ROCK2: variants seen among roughly 807,000 people sequenced by gnomAD.
ROCK2 encodes the protein Rho associated coiled-coil containing protein kinase 2.
ROCK2 carries 61 observed loss-of-function variants against 195.1 expected under a neutral mutation model. That is an observed-to-expected ratio of 0.31 (90% CI 0.25 to 0.39). The LOEUF (loss-of-function observed/expected upper bound fraction) is 0.39. Among genes scored for constraint, ROCK2 ranks in the 10% least tolerant of loss-of-function variants. The probability of loss-of-function intolerance (pLI) is 1.00; values close to 1 mark genes in which losing one functional copy is unlikely to be tolerated. For missense variants in ROCK2, 1,109 were observed against 1,637.4 expected (o/e 0.68, Z 5.57); for synonymous variants, 504 against 545.5 (o/e 0.92, Z 1.06).
chr2:11,187,243 C>T (rs1352921032), intron 32 of ROCK2, among the ~76,000 whole-genome samples: 7 of 152,176 alleles, frequency 4.6e-5, no homozygotes, highest in Non-Finnish European at 1.0e-4. Context: ...AGTCTGAAAA[C>T]ATTAAATAGA....
rs1436899886 is a variant in ROCK2, at chr2:11,341,065, A to G, written c.141+2931T>C. On this transcript the variant is annotated intron_variant, in intron 1 of 32. Transcript: ENST00000315872. The stretch of plus-strand genomic sequence containing the variant: ...GTTTCAAACACTACAAAAGCATATT[A>G]CTGAAGACTCGCCTCCAAAAAAAAA... Among the ~76,000 whole-genome samples the G allele has an allele frequency of 2.5e-5, 3 of 122,402 alleles. No homozygotes were observed. The South Asian group carries it at 9.6e-4, about 39-fold the overall frequency. 80.3% of individuals were successfully genotyped at this position (122,402 alleles called of 152,430 possible).
intron 1 of ROCK2, among the ~76,000 whole-genome samples, chr2:11,320,316 CATA>C (rs1668362674): frequency 6.6e-6 from 1 of 152,182 alleles, no homozygotes; most frequent in South Asian, 2.1e-4. Context: ...GGGCCACTGC[CATA>C]ATGTTTATCT....
chr2:11,308,078 A>G, intron 1 of ROCK2: 1 of 1,608,774 alleles, frequency 6.2e-7, no homozygotes, highest in Non-Finnish European at 8.5e-7. Context: ...GTTTTAGGAG[A>G]GGCGCCGACT....
Position 11,246,728 on chromosome 2 carries a change from T to G in ROCK2, c.462+2933A>C, listed in dbSNP as rs191195439. ...ATTTCTAACAAAAGTATAGTAACTG[T>G]GGGGGTATTAATACAATTAAATATT... On this transcript the variant is annotated intron_variant, in intron 4 of 32. Coordinates refer to ENST00000315872, the MANE Select transcript of ROCK2 (RefSeq NM_004850.5). Among the ~76,000 whole-genome samples the G allele has an allele frequency of 2.0e-5, 3 of 152,192 alleles. No homozygotes were observed. In the East Asian group the frequency reaches 5.8e-4, roughly 29 times the overall value.
chr2:11,222,047 G>T, intron 8 of ROCK2, 36 bp downstream of exon 8: 2 of 1,237,864 alleles, frequency 1.6e-6, no homozygotes, highest in Non-Finnish European at 1.2e-6. Flanking sequence ...GTTTCAGAAT[G>T]TGATGGAATG....
At chr2:11,277,476 C>T (rs557548843) in intron 3 of ROCK2, among the ~76,000 whole-genome samples, 1 of 152,274 alleles carries the variant, frequency 6.6e-6, no homozygotes, top group African/African-American at 2.4e-5. Context: ...TTATCCCTTG[C>T]ACCCCTCCAA....
At chr2:11,277,782 T>A (rs151073780) in intron 3 of ROCK2, among the ~76,000 whole-genome samples, 81 of 152,332 alleles carry the variant, frequency 5.3e-4, no homozygotes, top group African/African-American at 1.8e-3. Context: ...ATGGTGCTGC[T>A]ATAAACGTGT....
chr2:11,337,011 G>C (rs1668950063), intron 1 of ROCK2, among the ~76,000 whole-genome samples: 3 of 152,200 alleles, frequency 2.0e-5, no homozygotes, highest in Admixed American at 6.5e-5. Context: ...GGGAGGCCAA[G>C]GCGGGTGGAT....
chr2:11,235,752 GT>G lies in ROCK2; in HGVS notation c.672del (p.Lys224AsnfsTer5). 6.2e-7 allele frequency: 1 copy of G among 1,613,470 alleles called. No homozygotes were observed. Among genetic ancestry groups the G allele is most frequent in the Non-Finnish European group, 8.5e-7 (1 of 1,179,758 alleles). ...DVKPDNMLLD[K>X]HGHLKLADFG... ...AAATCTGCTAATTTTAGATGTCCATGTTTATCCAAGAGCATGTTGTCAGGCT... is the reference window on the plus strand; with the variant it reads ...AAATCTGCTAATTTTAGATGTCCATGTTATCCAAGAGCATGTTGTCAGGCT... On this transcript the variant is annotated frameshift_variant, in exon 5 of 33. Transcript: ENST00000315872. LOFTEE classifies it high-confidence loss of function. This position sits in a 1 kb window ranked among gnomAD's most constrained non-coding sequence, Gnocchi z 4.2.
At chr2:11,324,176 C>T (rs1302958617) in intron 1 of ROCK2, among the ~76,000 whole-genome samples, 2 of 152,200 alleles carry the variant, frequency 1.3e-5, no homozygotes, top group African/African-American at 4.8e-5. Context: ...GTGGCTCACG[C>T]CTGTAATCCC....
chr2:11,313,045 T>C (rs938144009), intron 1 of ROCK2, among the ~76,000 whole-genome samples: 2 of 152,052 alleles, frequency 1.3e-5, no homozygotes, highest in Non-Finnish European at 2.9e-5. Context: ...ACTGTAACTG[T>C]GGATACTTGA....
intron 1 of ROCK2, among the ~76,000 whole-genome samples, chr2:11,326,866 A>G (rs1668565292): frequency 6.6e-6 from 1 of 152,232 alleles, no homozygotes; most frequent in Non-Finnish European, 1.5e-5. Context: ...AACAGGAAAT[A>G]TAAGGGGTCT....
intron 1 of ROCK2, among the ~76,000 whole-genome samples, chr2:11,332,034 T>C (rs970663939): frequency 3.9e-5 from 6 of 152,120 alleles, no homozygotes; most frequent in African/African-American, 1.4e-4. Flanking sequence ...TCCCAGCTAC[T>C]TGGGAGGCTG....
rs1195522954 is a variant in ROCK2, at chr2:11,295,609, G to A, written c.142-7873C>T. 3.9e-5 allele frequency among the ~76,000 whole-genome samples: 6 copies of A among 152,150 alleles called. No homozygotes were observed. In the East Asian group the frequency reaches 9.7e-4, roughly 25 times the overall value. On this transcript the variant is annotated intron_variant, in intron 1 of 32. Transcript: ENST00000315872. ...CAGCAGTACTTTAAATACACTGATGGCAGGATCTGTTTATATAGTGCTCCA... is the reference window on the plus strand; with the variant it reads ...CAGCAGTACTTTAAATACACTGATGACAGGATCTGTTTATATAGTGCTCCA...
At chr2:11,208,975 G>A (rs933482547) in intron 18 of ROCK2, among the ~76,000 whole-genome samples, 1 of 152,080 alleles carries the variant, frequency 6.6e-6, no homozygotes, top group Non-Finnish European at 1.5e-5. Flanking sequence ...ATCACACTCT[G>A]CAATATTACA....
chr2:11,255,020 A>T (rs1665973644), intron 3 of ROCK2, among the ~76,000 whole-genome samples: 1 of 151,970 alleles, frequency 6.6e-6, no homozygotes, highest in Non-Finnish European at 1.5e-5. Flanking sequence ...GATTGAGACC[A>T]TCCTGGCTAA....
chr2:11,318,644 C>G (rs577432074), intron 1 of ROCK2, among the ~76,000 whole-genome samples: 144 of 152,148 alleles, frequency 9.5e-4, no homozygotes, highest in African/African-American at 3.3e-3. Flanking sequence ...TGTTGCCATT[C>G]CTTTTGGTGT....
chr2:11,212,987 T>G (rs1664299593), intron 17 of ROCK2, among the ~76,000 whole-genome samples: 5 of 152,206 alleles, frequency 3.3e-5, no homozygotes, highest in Admixed American at 3.3e-4. Context: ...TTATTCTTTA[T>G]TAACAGCATC....
intron 32 of ROCK2, among the ~76,000 whole-genome samples, chr2:11,189,434 C>A (rs1663329789): frequency 6.6e-6 from 1 of 152,142 alleles, no homozygotes; most frequent in Non-Finnish European, 1.5e-5. Context: ...TCCCTGGAAC[C>A]ATGCTACTCA....
Sources: allele counts gnomAD v4.1 joint callset (sites outside exome capture counted in the v4.1 genomes callset), GRCh38; gene constraint gnomAD v4.1.1; non-coding constraint Gnocchi (gnomAD v3.1); transcripts MANE v1.5; gene names NCBI Gene and HGNC (gene_info 2026-07-23, HGNC 2026-07-21).